The following ZNF385D variants were observed in gnomAD, a reference collection of about 807,000 sequenced individuals.
The protein encoded by ZNF385D is zinc finger protein 659.
Under a neutral mutation model 35.8 loss-of-function variants are expected in ZNF385D, and 15 were observed. That is an observed-to-expected ratio of 0.42 (90% CI 0.28 to 0.64). The LOEUF is 0.64. ZNF385D is among the 30% of genes least tolerant of loss of function. ZNF385D has a pLI of 0.23. For missense variants in ZNF385D, 474 were observed against 494.6 expected, an observed-to-expected ratio of 0.96 and a Z score of 0.39; for synonymous variants, 212 against 186.8, an observed-to-expected ratio of 1.13 and a Z score of -1.10.
intron 1 of ZNF385D, among the ~76,000 whole-genome samples, chr3:21,736,393 A>G (rs188836566): frequency 2.0e-5 from 3 of 152,366 alleles, no homozygotes; most frequent in African/African-American, 4.8e-5. Flanking sequence ...AATTAGAAAT[A>G]TAAGAAAGAA....
intron 2 of ZNF385D, among the ~76,000 whole-genome samples, chr3:21,624,156 G>T (rs529397852): frequency 6.6e-6 from 1 of 151,914 alleles, no homozygotes; most frequent in African/African-American, 2.4e-5. Flanking sequence ...GAAACCAACC[G>T]CACTATTTTA....
chr3:21,931,793 A>G (rs1332360119), intron 3 of ZNF385D, among the ~76,000 whole-genome samples: 2 of 152,208 alleles, frequency 1.3e-5, no homozygotes, highest in Admixed American at 6.5e-5. Context: ...TAAATGTATT[A>G]AAAGTCATTG....
chr3:21,926,811 A>G (rs998587558), intron 3 of ZNF385D, among the ~76,000 whole-genome samples: 9 of 152,226 alleles, frequency 5.9e-5, no homozygotes, highest in African/African-American at 2.2e-4. Context: ...GGATCTAATT[A>G]AACTAAAGAA....
At chr3:22,180,800 C>A (rs1347744927) in intron 2 of ZNF385D, among the ~76,000 whole-genome samples, 3 of 151,970 alleles carry the variant, frequency 2.0e-5, no homozygotes, top group Admixed American at 1.3e-4. Context: ...ATAATCAGAG[C>A]TATCTACGAC....
At chr3:21,862,972 C>T (rs1156253719) in intron 3 of ZNF385D, among the ~76,000 whole-genome samples, 1 of 152,100 alleles carries the variant, frequency 6.6e-6, no homozygotes, top group African/African-American at 2.4e-5. Flanking sequence ...GTCCACTTAC[C>T]CCTCCTTTTC....
intron 3 of ZNF385D, among the ~76,000 whole-genome samples, chr3:21,873,906 C>A (rs991415834): frequency 3.3e-5 from 5 of 151,900 alleles, no homozygotes; most frequent in African/African-American, 1.2e-4. Context: ...AGGTTGTTTG[C>A]ACTTCTTGGC....
intron 2 of ZNF385D, among the ~76,000 whole-genome samples, chr3:21,651,312 A>C (rs993616132): frequency 1.4e-5 from 2 of 146,052 alleles, no homozygotes; most frequent in African/African-American, 4.9e-5. Flanking sequence ...AAAAAAAAAA[A>C]AAGGTGAAGA....
At chr3:21,704,853 T>C (rs55689118) in intron 1 of ZNF385D, among the ~76,000 whole-genome samples, 8,942 of 152,284 alleles carry the variant, frequency 0.059, 398 homozygotes, top group African/African-American at 0.11. Context: ...TCTCACATAG[T>C]GCTAGAAAAA....
intron 1 of ZNF385D, among the ~76,000 whole-genome samples, chr3:21,736,039 A>C (rs1047466534): frequency 6.6e-6 from 1 of 152,228 alleles, no homozygotes; most frequent in South Asian, 2.1e-4. Context: ...GTCTACTCAG[A>C]AAGTCTTGGA....
At chr3:22,275,403 C>A (rs974954513) in intron 2 of ZNF385D, among the ~76,000 whole-genome samples, 2 of 152,054 alleles carry the variant, frequency 1.3e-5, no homozygotes, top group Non-Finnish European at 2.9e-5. Context: ...ACTTTTAATT[C>A]TTCTTTAATC....
intron 3 of ZNF385D, among the ~76,000 whole-genome samples, chr3:22,013,170 A>C (rs1326730128): frequency 2.0e-5 from 3 of 152,136 alleles, no homozygotes; most frequent in African/African-American, 7.2e-5. Context: ...AAATGTGTTA[A>C]AACTGAAAAT....
At chr3:22,071,861 G>A (rs1700242829) in intron 3 of ZNF385D, among the ~76,000 whole-genome samples, 1 of 151,974 alleles carries the variant, frequency 6.6e-6, no homozygotes, top group Non-Finnish European at 1.5e-5. Context: ...TCTGTGGCTG[G>A]GGCATTTGAT....
intron 2 of ZNF385D, among the ~76,000 whole-genome samples, chr3:21,656,800 T>C (rs2066084475): frequency 2.0e-5 from 3 of 151,952 alleles, no homozygotes; most frequent in Non-Finnish European, 2.9e-5. Context: ...AAAATAAGCA[T>C]GTTGAAGAAA....
chr3:22,336,925 A>AAAAAAAAAAC (rs1695192305), intron 2 of ZNF385D, among the ~76,000 whole-genome samples: 1 of 146,240 alleles, frequency 6.8e-6, no homozygotes, highest in African/African-American at 2.5e-5. Context: ...AAAAAAAAAA[A>AAAAAAAAAAC]AAAAAAAAAA....
At chr3:21,448,694 C>A (rs1702285080) in intron 4 of ZNF385D, among the ~76,000 whole-genome samples, 1 of 152,092 alleles carries the variant, frequency 6.6e-6, no homozygotes, top group South Asian at 2.1e-4. Context: ...TGTCTCTTCC[C>A]CAGCAAAGCT....
At chr3:22,243,271 G>T (rs532465236) in intron 2 of ZNF385D, among the ~76,000 whole-genome samples, 6 of 151,020 alleles carry the variant, frequency 4.0e-5, no homozygotes, top group Non-Finnish European at 7.4e-5. Flanking sequence ...CACATGAAAA[G>T]ATGTTCAAAT....
intron 1 of ZNF385D, among the ~76,000 whole-genome samples, chr3:21,708,280 C>G (rs2067980488): frequency 6.6e-6 from 1 of 152,202 alleles, no homozygotes; most frequent in South Asian, 2.1e-4. Flanking sequence ...AGGCCTTGGG[C>G]TGGGAACTCT....
chr3:21,792,805 G>C (rs903421925), intron 3 of ZNF385D, among the ~76,000 whole-genome samples: 8 of 152,258 alleles, frequency 5.3e-5, no homozygotes, highest in Middle Eastern at 3.4e-3. Context: ...TTCATCTAGA[G>C]CATCCAGCTA....
chr3:22,090,505 A>AG (rs1701273299), intron 3 of ZNF385D, among the ~76,000 whole-genome samples: 1 of 151,990 alleles, frequency 6.6e-6, no homozygotes, highest in Non-Finnish European at 1.5e-5. Flanking sequence ...GCTCTTACAG[A>AG]GAAAAAAAAA....
Sources: gnomAD v4.1 joint callset for allele counts (sites outside exome capture counted in the v4.1 genomes callset) on GRCh38, gnomAD v4.1.1 for gene constraint, MANE v1.5 for transcripts, NCBI Gene and HGNC (gene_info 2026-07-23, HGNC 2026-07-21) for gene names.